The following LAMA1 variants were observed in gnomAD, a reference collection of about 807,000 sequenced individuals.
LAMA1 encodes laminin subunit alpha 1, also known as laminin subunit alpha-1.
Under a neutral mutation model 348.7 loss-of-function variants are expected in LAMA1, and 219 were observed. The observed-to-expected ratio is 0.63, with a 90% confidence interval of 0.56 to 0.70. The LOEUF (loss-of-function observed/expected upper bound fraction) is 0.70. LAMA1 is among the 30% of genes least tolerant of loss of function. The pLI is 0.00. For missense variants in LAMA1, 3,744 were observed against 3,888.0 expected, an observed-to-expected ratio of 0.96 and a Z score of 0.99; for synonymous variants, 1,487 against 1,491.0, an observed-to-expected ratio of 1.00 and a Z score of 0.06.
At chr18:7,082,719 T>C (rs545018295) in intron 1 of LAMA1, among the ~76,000 whole-genome samples, 107 of 152,372 alleles carry the variant, frequency 7.0e-4, no homozygotes, top group African/African-American at 2.5e-3. Flanking sequence ...TGACATTTTT[T>C]GGCTCTGTAT....
At position 7,007,427 on chromosome 18, in the gene LAMA1, A is replaced by C. The variant is rs190047486; in HGVS notation, c.4123-151T>G. 6.1e-4 allele frequency: 438 copies of C among 718,142 alleles called. 1 individual carries two copies. In the African/African-American group the frequency reaches 7.1e-3, roughly 12 times the overall value. 44.5% of individuals were successfully genotyped at this position (718,142 alleles called of 1,614,324 possible). A position where few individuals can be genotyped will look rare whatever the true frequency, so the allele number is the denominator to read the frequency against. Reference sequence around the variant, plus strand: ...CTATCAGAGAAATGCAAATGAAAAAACACAAGGTGATGCCACCGCACACCT... The same window carrying C: ...CTATCAGAGAAATGCAAATGAAAAACCACAAGGTGATGCCACCGCACACCT... On this transcript the variant is annotated intron_variant, in intron 28 of 62. Coordinates refer to ENST00000389658, the MANE Select transcript of LAMA1 (RefSeq NM_005559.4).
At chr18:7,011,511 C>A in intron 24 of LAMA1, 32 bp from the exon 25 acceptor site, 2 of 1,571,804 alleles carry the variant, frequency 1.3e-6, no homozygotes, top group Non-Finnish European at 1.7e-6. Flanking sequence ...AAGTGCACTT[C>A]AAAATGCGAA....
intron 45 of LAMA1, among the ~76,000 whole-genome samples, chr18:6,975,518 C>G (rs563736128): frequency 1.3e-5 from 2 of 152,378 alleles, no homozygotes; most frequent in Admixed American, 6.5e-5. Context: ...TTCTGCCCTA[C>G]ACACCCCAGG....
At position 7,009,286 on chromosome 18, in the gene LAMA1, C is replaced by T. The variant is rs770732679; in HGVS notation, c.3954G>A (p.Glu1318=). 9 of 1,613,890 alleles carry T rather than the reference C, an allele frequency of 5.6e-6. No homozygotes were observed. In the Admixed American group the frequency reaches 8.3e-5, roughly 15 times the overall value. ...CATACGATGCCTTGATGAGGATGTA[C>T]TCAATATCGCTGAGGACAGACATAA... ...EDFMSVLSDI[E]YILIKASYGQ... is the part of the protein sequence containing the mutation. The change falls in exon 27 of 63, where the codon GAG becomes GAA. Residue 1318 remains glutamate, a synonymous_variant. Coordinates refer to ENST00000389658, the MANE Select transcript of LAMA1 (RefSeq NM_005559.4).
intron 61 of LAMA1, among the ~76,000 whole-genome samples, chr18:6,945,899 GA>G (rs2057519402): frequency 6.6e-6 from 1 of 152,058 alleles, no homozygotes; most frequent in Non-Finnish European, 1.5e-5. Flanking sequence ...CCACAGAAAG[GA>G]AAAGGGCCAT....
At position 7,030,995 on chromosome 18, in the gene LAMA1, A is replaced by G. The variant is rs566289464; in HGVS notation, c.2274+1071T>C. On this transcript the variant is annotated intron_variant, in intron 16 of 62. Coordinates refer to ENST00000389658, the MANE Select transcript of LAMA1 (RefSeq NM_005559.4). ...GAGTCTGCCCGTAAACCACCCCTTC[A>G]TGCAATTCCTACAGAAGCTTTACTT... is the stretch of plus-strand genomic sequence containing the variant. Among the ~76,000 whole-genome samples, 398 of 152,300 alleles carry G rather than the reference A, an allele frequency of 2.6e-3. 2 individuals are homozygous for G. The highest frequency in any genetic ancestry group is 9.2e-3 in the African/African-American group (382 of 41,560).
chr18:7,030,916 C>A (rs1485177718), intron 16 of LAMA1, among the ~76,000 whole-genome samples: 2 of 150,118 alleles, frequency 1.3e-5, no homozygotes, highest in Non-Finnish European at 3.0e-5. Context: ...AAAGCAACCA[C>A]CTCATCAAGC....
At chr18:6,955,598 C>T (rs762518543) in intron 56 of LAMA1, 133 bp from the exon 57 acceptor site, 13 of 713,352 alleles carry the variant, frequency 1.8e-5, no homozygotes, top group East Asian at 2.7e-5. Flanking sequence ...TGCCTGTTGG[C>T]GCTCACTCCA....
intron 1 of LAMA1, among the ~76,000 whole-genome samples, chr18:7,106,510 C>T (rs999341452): frequency 6.6e-6 from 1 of 152,038 alleles, no homozygotes; most frequent in Non-Finnish European, 1.5e-5. Context: ...CAGGTGTGCA[C>T]CACCACTCCC....
chr18:6,993,679 A>G lies in LAMA1; in HGVS notation c.4970T>C (p.Leu1657Pro). Residue 1657 changes from leucine (L) to proline (P), a missense_variant, in exon 35 of 63, where the codon CTG becomes CCG. By Grantham distance (98) the Leu-to-Pro change is moderately conservative (BLOSUM62 -3). Around this residue, in one of 3 missense-constraint regions of LAMA1, gnomAD observed 1,983 missense variants for 1,934.3 expected, o/e 1.03. Coordinates refer to ENST00000389658, the MANE Select transcript of LAMA1 (RefSeq NM_005559.4). ...CTGCAGCCTCTCAATGGCTATGGCC[A>G]GGTCTTGACTCTCCTTGAAGATTCT... is the stretch of plus-strand genomic sequence containing the variant. ...TERIFKESQD[L>P]AIAIERLQMS... The G allele has an allele frequency of 1.2e-6, 2 of 1,614,072 alleles. No homozygotes were observed. The highest frequency in any genetic ancestry group is 1.7e-6 in the Non-Finnish European group (2 of 1,179,948).
At chr18:6,952,988 G>A (rs1377231905) in intron 57 of LAMA1, among the ~76,000 whole-genome samples, 175 of 83,056 alleles carry the variant, frequency 2.1e-3, no homozygotes, top group African/African-American at 6.0e-3. Context: ...GCGGATCCAC[G>A]CCATAGGAGC....
chr18:6,999,955 A>G lies in LAMA1; in HGVS notation c.4425T>C (p.Arg1475=). The change falls in exon 31 of 63, where the codon CGT becomes CGC. Residue 1475 remains arginine (R), a synonymous_variant. Transcript: ENST00000389658. The part of the protein sequence containing the change: ...TCVLEGDHDF[R]CDACLLGYEG... ...CATAGCCCAGGAGACAGGCGTCACA[A>G]CGGAAATCGTGGTCCCCTTCCAAGA... is the stretch of plus-strand genomic sequence containing the variant. 6.2e-7 allele frequency: 1 copy of G among 1,614,150 alleles called. No individual in the cohort carries two copies. Among genetic ancestry groups the G allele is most frequent in the Non-Finnish European group, 8.5e-7 (1 of 1,179,970 alleles).
rs561707401 is a variant in LAMA1, at chr18:6,942,215, C to T, written c.9092G>A (p.Arg3031His). 17 of 1,614,046 alleles carry T rather than the reference C, an allele frequency of 1.1e-5. No homozygotes were observed. The highest frequency in any genetic ancestry group is 6.7e-5 in the East Asian group (3 of 44,880). Reference protein sequence around the residue: ...YPAGVKQKCLRSQTSFRGCLR... With the variant: ...YPAGVKQKCLHSQTSFRGCLR... ...ACACCCGCGGAACGAGGTCTGGCTG[C>T]GCAGGCATTTTTGCTTCACACCAGC... Residue 3031 changes from arginine (R) to histidine (H), a missense_variant, in exon 63 of 63, where the codon CGC (arginine) becomes CAC (histidine). Physicochemically the swap from Arg to His is conservative, Grantham distance 29. Transcript: ENST00000389658.
intron 53 of LAMA1, 175 bp from the exon 54 acceptor site, chr18:6,959,667 T>C: frequency 1.5e-6 from 1 of 689,108 alleles, no homozygotes. Flanking sequence ...CTAATCTCTG[T>C]TCATATAATT....
chr18:7,031,315 T>C (rs657986), intron 16 of LAMA1, among the ~76,000 whole-genome samples: 23,229 of 152,090 alleles, frequency 0.15, 1,921 homozygotes, highest in Non-Finnish European at 0.17. Flanking sequence ...CCTAGAAGAA[T>C]TCCTGATTGA....
At chr18:7,098,359 G>T (rs1368681784) in intron 1 of LAMA1, among the ~76,000 whole-genome samples, 1 of 151,618 alleles carries the variant, frequency 6.6e-6, no homozygotes, top group African/African-American at 2.4e-5. Flanking sequence ...AGTCTGGAAA[G>T]TGAGGAGCGT....
Position 6,950,955 on chromosome 18 carries a change from T to G in LAMA1, c.8224A>C (p.Ser2742Arg), listed in dbSNP as rs1310088902. ...CCGCTGGAGGCGAACGTGCGGATGC[T>G]TAGCTCAACCGAGAGCCTGGGGAAA... is the stretch of plus-strand genomic sequence containing the variant. ...AVRKKLSVEL[S>R]IRTFASSGLI... Residue 2742 changes from serine to arginine, a missense_variant, in exon 58 of 63, where the codon AGC becomes CGC. Transcript: ENST00000389658. The G allele has an allele frequency of 6.2e-7, 1 of 1,613,830 alleles. No homozygotes were observed. Among genetic ancestry groups the G allele is most frequent in the Admixed American group, 1.7e-5 (1 of 59,990 alleles).
intron 54 of LAMA1, 32 bp from the exon 55 acceptor site, chr18:6,958,694 G>T (rs767028437): frequency 6.5e-7 from 1 of 1,540,288 alleles, no homozygotes; most frequent in South Asian, 1.1e-5. Flanking sequence ...TAAATGAAAA[G>T]CTTTAAACAT....
intron 18 of LAMA1, 99 bp from the exon 19 acceptor site, chr18:7,023,474 C>A: frequency 9.4e-6 from 9 of 958,432 alleles, no homozygotes; most frequent in Admixed American, 1.8e-5. Context: ...ATCAGACGGA[C>A]TCTGTTCCCT....
Sources: gnomAD v4.1 joint callset for allele counts (sites outside exome capture counted in the v4.1 genomes callset) on GRCh38, gnomAD v4.1.1 for gene constraint, gnomAD v4.1.1 regional missense constraint, MANE v1.5 for transcripts, NCBI Gene and HGNC (gene_info 2026-07-23, HGNC 2026-07-21) for gene names.